The following PRKG1 variants were observed in gnomAD, a reference collection of about 807,000 sequenced individuals.
PRKG1 encodes protein kinase cGMP-dependent 1.
Under a neutral mutation model 88.1 loss-of-function variants are expected in PRKG1, and 35 were observed. The observed-to-expected ratio is 0.40, with a 90% CI of 0.30 to 0.53. PRKG1 has a LOEUF of 0.53. Ranked by LOEUF, PRKG1 falls within the 20% of genes least tolerant of loss-of-function variation. The pLI, the probability that PRKG1 is intolerant of heterozygous loss-of-function variation, is 0.59. For synonymous variants in PRKG1, 303 were observed against 292.5 expected (o/e 1.04, Z -0.37); for missense variants, 540 against 839.8 (o/e 0.64, Z 4.41).
chr10:51,221,489 A>G (rs1183851901), intron 2 of PRKG1, among the ~76,000 whole-genome samples: 1 of 152,156 alleles, frequency 6.6e-6, no homozygotes, highest in African/African-American at 2.4e-5. Flanking sequence ...TTTTCTGATC[A>G]AACAGTTAAC....
intron 2 of PRKG1, among the ~76,000 whole-genome samples, chr10:51,402,625 T>G (rs376552232): frequency 6.4e-4 from 97 of 152,326 alleles, no homozygotes; most frequent in African/African-American, 2.1e-3. Context: ...ACCAGGCCTC[T>G]CCTGGTGGTG....
At chr10:51,260,748 C>T (rs1589288852) in intron 2 of PRKG1, among the ~76,000 whole-genome samples, 1 of 152,130 alleles carries the variant, frequency 6.6e-6, no homozygotes, top group East Asian at 1.9e-4. Context: ...TGTGATTATA[C>T]TTATCTGTAT....
At chr10:51,783,772 GA>G (rs1257291543) in intron 3 of PRKG1, among the ~76,000 whole-genome samples, 1 of 152,098 alleles carries the variant, frequency 6.6e-6, no homozygotes, top group East Asian at 1.9e-4. Flanking sequence ...CCTAAGTTTT[GA>G]AACAGCACAA....
intron 7 of PRKG1, among the ~76,000 whole-genome samples, chr10:52,124,089 A>C (rs1847879688): frequency 1.3e-5 from 2 of 152,340 alleles, no homozygotes; most frequent in South Asian, 4.1e-4. Flanking sequence ...GCATGGACAC[A>C]CTGGACAAAG....
At chr10:51,669,072 A>ATT (rs1840492134) in intron 3 of PRKG1, among the ~76,000 whole-genome samples, 1 of 152,196 alleles carries the variant, frequency 6.6e-6, no homozygotes, top group Non-Finnish European at 1.5e-5. Context: ...TAAAACTGTA[A>ATT]TTGTGTTCTA....
intron 3 of PRKG1, among the ~76,000 whole-genome samples, chr10:51,668,675 G>A (rs144204261): frequency 5.0e-4 from 76 of 152,050 alleles, no homozygotes; most frequent in African/African-American, 1.8e-3. Context: ...TTTTGTAACT[G>A]GTATGAATCT....
intron 4 of PRKG1, among the ~76,000 whole-genome samples, chr10:51,893,989 G>A (rs1298577856): frequency 6.6e-6 from 1 of 152,134 alleles, no homozygotes; most frequent in Non-Finnish European, 1.5e-5. Flanking sequence ...CTATTCAGGT[G>A]GGATGCCTAC....
rs530509480 is a variant in PRKG1 at position 51,039,781 on chromosome 10, G to A, written c.266+48137G>A. Among the ~76,000 whole-genome samples, 48 of 152,230 alleles carry A rather than the reference G, an allele frequency of 3.2e-4. No individual in the cohort carries two copies. In the South Asian group the frequency reaches 3.5e-3, roughly 11 times the overall value. Reference sequence around the variant, plus strand: ...TGATGTGATTTTTCTATATGGTAAGGGGTCTAGTTTTGTTCTTCTGCATAT... The same window carrying A: ...TGATGTGATTTTTCTATATGGTAAGAGGTCTAGTTTTGTTCTTCTGCATAT... On this transcript the variant is annotated intron_variant, in intron 1 of 17. Coordinates refer to the PRKG1 transcript ENST00000401604.
chr10:51,987,458 CTTT>C (rs56252793), intron 5 of PRKG1, among the ~76,000 whole-genome samples: 1 of 139,214 alleles, frequency 7.2e-6, no homozygotes, highest in Admixed American at 7.2e-5. Flanking sequence ...CTACTCATTA[CTTT>C]TTTTTTTTTT....
intron 1 of PRKG1, among the ~76,000 whole-genome samples, chr10:51,105,282 A>G (rs971103031): frequency 2.6e-5 from 4 of 152,248 alleles, no homozygotes. Context: ...GCAAAAGGAT[A>G]TGTATAATGT....
At chr10:51,868,673 A>G (rs17549586) in intron 4 of PRKG1, among the ~76,000 whole-genome samples, 2,954 of 152,168 alleles carry the variant, frequency 0.019, 50 homozygotes, top group Non-Finnish European at 0.029. Flanking sequence ...CAACATACTT[A>G]GAGAACACCC....
chr10:52,247,792 C>A (rs1428897755), intron 9 of PRKG1, among the ~76,000 whole-genome samples: 1 of 152,100 alleles, frequency 6.6e-6, no homozygotes, highest in African/African-American at 2.4e-5. Flanking sequence ...AAATAATCTG[C>A]CGAGACCAGC....
intron 2 of PRKG1, among the ~76,000 whole-genome samples, chr10:51,265,316 TA>T (rs1245609137): frequency 6.6e-6 from 1 of 152,118 alleles, no homozygotes; most frequent in Non-Finnish European, 1.5e-5. Flanking sequence ...GGTTGCCAGA[TA>T]AAGGGTTGGA....
chr10:52,170,046 T>C (rs1299880039), intron 9 of PRKG1, among the ~76,000 whole-genome samples: 1 of 152,210 alleles, frequency 6.6e-6, no homozygotes. Flanking sequence ...AGCATTCCCT[T>C]AGTTTAAAGC....
At position 51,467,837 on chromosome 10, in the gene PRKG1, G is replaced by A; in HGVS notation, c.592+1G>A. Reference sequence around the variant, plus strand: ...TGTACCCGGACAGCGACCGTCAAGAGTAAGACTATTTTCATATTTTTAAAA... The same window carrying A: ...TGTACCCGGACAGCGACCGTCAAGAATAAGACTATTTTCATATTTTTAAAA... On this transcript the variant is annotated splice_donor_variant, in intron 3 of 17. Transcript: ENST00000373980. LOFTEE classifies it high-confidence loss of function. 1 of 1,603,906 alleles carries A rather than the reference G, an allele frequency of 6.2e-7. No homozygotes were observed. The highest frequency in any genetic ancestry group is 8.5e-7 in the Non-Finnish European group (1 of 1,170,950).
chr10:51,454,850 G>A (rs995850671), intron 2 of PRKG1, among the ~76,000 whole-genome samples: 1 of 152,154 alleles, frequency 6.6e-6, no homozygotes, highest in African/African-American at 2.4e-5. Context: ...TGAGATTTGG[G>A]TGGGGAAGAA....
intron 1 of PRKG1, among the ~76,000 whole-genome samples, chr10:51,132,243 T>C (rs1320027535): frequency 6.6e-6 from 1 of 152,210 alleles, no homozygotes; most frequent in African/African-American, 2.4e-5. Context: ...TTGATTGGGC[T>C]GGACAGCTAG....
intron 5 of PRKG1, chr10:51,908,260 A>C (rs1214889599): frequency 6.6e-6 from 1 of 152,230 alleles, no homozygotes; most frequent in Non-Finnish European, 1.5e-5. Flanking sequence ...GAGGAAATAG[A>C]GATACATTGG....
chr10:52,244,909 AAAAT>A (rs1051602614), intron 9 of PRKG1, among the ~76,000 whole-genome samples: 19 of 30,662 alleles, frequency 6.2e-4, no homozygotes, highest in African/African-American at 9.5e-4. Context: ...TAAACTTTTT[AAAAT>A]ATATATATAT....
Sources: gnomAD v4.1 joint callset for allele counts (sites outside exome capture counted in the v4.1 genomes callset) on GRCh38, gnomAD v4.1.1 for gene constraint, MANE v1.5 for transcripts, NCBI Gene and HGNC (gene_info 2026-07-23, HGNC 2026-07-21) for gene names.